GTF2H3: variants seen among roughly 807,000 people sequenced by gnomAD.
GTF2H3 encodes the protein general transcription factor IIH subunit 3.
A neutral mutation model predicts 51.1 loss-of-function variants in GTF2H3; 42 were observed. The ratio of observed to expected loss-of-function variants is 0.82; its 90% CI spans 0.64 to 1.06. The LOEUF (loss-of-function observed/expected upper bound fraction) is 1.06. Ranked by LOEUF, GTF2H3 falls within the 50% of genes least tolerant of loss-of-function variation. The probability of loss-of-function intolerance (pLI) is 0.00; values close to 1 mark genes in which losing one functional copy is unlikely to be tolerated. For missense variants in GTF2H3, 326 were observed against 366.1 expected, an observed-to-expected ratio of 0.89 and a Z score of 0.89; for synonymous variants, 123 against 123.8, an observed-to-expected ratio of 0.99 and a Z score of 0.04.
At chr12:123,638,546 G>A (rs1955320260) in intron 1 of GTF2H3, among the ~76,000 whole-genome samples, 1 of 152,052 alleles carries the variant, frequency 6.6e-6, no homozygotes, top group South Asian at 2.1e-4. Context: ...CTGAGCTCAA[G>A]CCATCTGCCT....
intron 2 of GTF2H3, 80 bp from the exon 3 acceptor site, chr12:123,645,375 G>T: frequency 1.3e-6 from 1 of 787,480 alleles, no homozygotes. Context: ...CAGCCTAAAC[G>T]ACATCTTAAT....
Position 123,654,977 on chromosome 12 carries a change from C to T in GTF2H3, c.540C>T (p.Val180=). Residue 180 remains valine (V), a synonymous_variant, in exon 8 of 13, where the codon GTC becomes GTT. Coordinates refer to ENST00000543341, the MANE Select transcript of GTF2H3 (RefSeq NM_001516.5). ...SALQYMNFMN[V]IFAAQKQNIL... Reference sequence around the variant, plus strand: ...TGCAGTATATGAACTTCATGAATGTCATCTTTGCAGCACAGAAACAGGTGA... The same window carrying T: ...TGCAGTATATGAACTTCATGAATGTTATCTTTGCAGCACAGAAACAGGTGA... 2 of 1,612,618 alleles carry T rather than the reference C, an allele frequency of 1.2e-6. No homozygotes were observed. The highest frequency in any genetic ancestry group is 1.7e-6 in the Non-Finnish European group (2 of 1,178,610).
Position 123,654,912 on chromosome 12 carries a change from T to C in GTF2H3, c.487-12T>C. ...TGTGCCTGGGTGGAATTAACATGAC[T>C]GTGATTTTTAGGTGATTAAGGCTGC... On this transcript the variant is annotated splice_polypyrimidine_tract_variant and intron_variant, in intron 7 of 12. Transcript: ENST00000543341. 6.2e-7 allele frequency: 1 copy of C among 1,601,012 alleles called. No homozygotes were observed. Among genetic ancestry groups the C allele is most frequent in the Non-Finnish European group, 8.6e-7 (1 of 1,168,012 alleles).
chr12:123,646,117 T>G (rs771563819), intron 3 of GTF2H3, among the ~76,000 whole-genome samples: 5 of 152,220 alleles, frequency 3.3e-5, no homozygotes, highest in Admixed American at 6.5e-5. Flanking sequence ...TGCAAGATGG[T>G]GCATAGCCTG....
At chr12:123,656,484 G>C (rs1955588902) in intron 9 of GTF2H3, among the ~76,000 whole-genome samples, 1 of 152,094 alleles carries the variant, frequency 6.6e-6, no homozygotes, top group African/African-American at 2.4e-5. Flanking sequence ...TCACATACCA[G>C]CTCTACCTCC....
At chr12:123,635,670 C>T (rs1277634542) in intron 1 of GTF2H3, among the ~76,000 whole-genome samples, 1 of 152,118 alleles carries the variant, frequency 6.6e-6, no homozygotes, top group Non-Finnish European at 1.5e-5. Context: ...GCCTCGACCT[C>T]CCAAAGTGTT....
Position 123,648,025 on chromosome 12 carries a change from C to G in GTF2H3, c.263C>G (p.Pro88Arg). Residue 88 changes from proline (P) to arginine (R), a missense_variant, in exon 4 of 13, where the codon CCT (proline) becomes CGT (arginine). Coordinates refer to ENST00000543341, the MANE Select transcript of GTF2H3 (RefSeq NM_001516.5). ...GACTTCTTCGGAGACCCTGGCAACC[C>G]TCCTGAATTTAATCCCTCTGGGAGT... ...LGDFFGDPGN[P>R]PEFNPSGSKD... 6.2e-7 allele frequency: 1 copy of G among 1,612,450 alleles called. No individual in the cohort carries two copies. The highest frequency in any genetic ancestry group is 1.3e-5 in the African/African-American group (1 of 74,990).
intron 7 of GTF2H3, among the ~76,000 whole-genome samples, chr12:123,652,978 C>T (rs1054380079): frequency 5.3e-5 from 8 of 151,596 alleles, no homozygotes; most frequent in South Asian, 4.2e-4. Flanking sequence ...CTTGGGATCC[C>T]GAGGCAGGAG....
chr12:123,652,813 C>T, intron 7 of GTF2H3, 78 bp downstream of exon 7: 1 of 1,323,584 alleles, frequency 7.6e-7, no homozygotes, highest in Non-Finnish European at 1.0e-6. Flanking sequence ...TGTGGTGGCT[C>T]ACACCTGTTA....
chr12:123,649,466 A>C (rs1955493148), intron 4 of GTF2H3: 1 of 152,264 alleles, frequency 6.6e-6, no homozygotes, highest in African/African-American at 2.4e-5. Flanking sequence ...CCTGTAGGGC[A>C]CATTCACCCC....
intron 3 of GTF2H3, among the ~76,000 whole-genome samples, 176 bp from the exon 4 acceptor site, chr12:123,647,787 G>A (rs11572959): frequency 2.3e-3 from 353 of 152,166 alleles, no homozygotes; most frequent in African/African-American, 7.7e-3. Flanking sequence ...GTTTTTATAC[G>A]CTTTTTCTAA....
intron 9 of GTF2H3, among the ~76,000 whole-genome samples, chr12:123,658,520 CAGGGTTT>C (rs1955614769): frequency 6.6e-6 from 1 of 152,088 alleles, no homozygotes; most frequent in Non-Finnish European, 1.5e-5. Context: ...ATTGTAGAGA[CAGGGTTT>C]CACTATGTTG....
chr12:123,640,494 G>A (rs1041526805), intron 2 of GTF2H3, among the ~76,000 whole-genome samples: 16 of 151,678 alleles, frequency 1.1e-4, no homozygotes, highest in Admixed American at 5.9e-4. Context: ...CCGTCACCAC[G>A]CCCAGCTAAT....
In GTF2H3 at chr12:123,660,661, C is replaced by G. The variant is rs1334523425; in HGVS notation, c.*426C>G. ...AATGGCATTAATCAACATAGAACAT[C>G]TTATTTGAATCAACAGTTAACTTCA... On this transcript the variant is annotated 3_prime_UTR_variant, in exon 13 of 13. Coordinates refer to ENST00000543341, the MANE Select transcript of GTF2H3 (RefSeq NM_001516.5). 1 of 153,794 alleles carries G rather than the reference C, an allele frequency of 6.5e-6. No homozygotes were observed. The highest frequency in any genetic ancestry group is 1.4e-5 in the Non-Finnish European group (1 of 69,198). The allele number at this position is 153,794 out of a possible 1,614,324, so 9.5% of individuals were successfully genotyped here. A position where few individuals can be genotyped will look rare whatever the true frequency, so the allele number is the denominator to read the frequency against.
chr12:123,637,428 TGTTTA>T (rs754986845), intron 1 of GTF2H3, among the ~76,000 whole-genome samples: 7 of 152,130 alleles, frequency 4.6e-5, no homozygotes, highest in Non-Finnish European at 7.4e-5. Flanking sequence ...TGTGGTAGCC[TGTTTA>T]GTTTAGAGAA....
At chr12:123,640,337 CTTT>C (rs71088940) in intron 2 of GTF2H3, among the ~76,000 whole-genome samples, 2 of 130,776 alleles carry the variant, frequency 1.5e-5, no homozygotes, top group Non-Finnish European at 1.6e-5. Context: ...TTTTTGTGGC[CTTT>C]TTTTTTTTTT....
intron 3 of GTF2H3, 127 bp from the exon 4 acceptor site, chr12:123,647,836 C>A: frequency 1.9e-6 from 1 of 525,772 alleles, no homozygotes; most frequent in Non-Finnish European, 3.3e-6. Context: ...TGAAATTTAC[C>A]GTGGAATCTT....
chr12:123,646,510 C>T (rs987456354), intron 3 of GTF2H3, among the ~76,000 whole-genome samples: 10 of 152,164 alleles, frequency 6.6e-5, no homozygotes, highest in African/African-American at 2.2e-4. Context: ...AGTCCTTTCA[C>T]CCCAGCCTCC....
At chr12:123,642,954 A>G (rs948055023) in intron 2 of GTF2H3, among the ~76,000 whole-genome samples, 1 of 152,066 alleles carries the variant, frequency 6.6e-6, no homozygotes, top group Non-Finnish European at 1.5e-5. Flanking sequence ...GGCTTACCGC[A>G]ATCTCCACCT....
Sources: allele counts gnomAD v4.1 joint callset (sites outside exome capture counted in the v4.1 genomes callset), GRCh38; gene constraint gnomAD v4.1.1; transcripts MANE v1.5; gene names NCBI Gene and HGNC (gene_info 2026-07-23, HGNC 2026-07-21).